FGGY: variants seen among roughly 807,000 people sequenced by gnomAD.
FGGY encodes the protein FGGY carbohydrate kinase domain-containing protein.
In FGGY, 72 loss-of-function variants were observed where a neutral mutation model predicts 71.3. That is an observed-to-expected ratio of 1.01 (90% CI 0.84 to 1.23). The LOEUF is 1.23. Among genes scored for constraint, FGGY ranks in the 50% most tolerant of loss-of-function variants. The pLI, the probability that FGGY is intolerant of heterozygous loss-of-function variation, is 0.00. For synonymous variants in FGGY, 251 were observed against 250.3 expected (o/e 1.00, Z -0.02); for missense variants, 668 against 682.3 (o/e 0.98, Z 0.23).
chr1:59,382,724 A>G (rs533932908), intron 5 of FGGY, among the ~76,000 whole-genome samples: 15 of 152,316 alleles, frequency 9.8e-5, no homozygotes, highest in Admixed American at 9.8e-4. Context: ...AAGCAGTGCT[A>G]GTTGTCATGT....
At chr1:59,383,126 C>G (rs1440117629) in intron 5 of FGGY, among the ~76,000 whole-genome samples, 1 of 152,032 alleles carries the variant, frequency 6.6e-6, no homozygotes, top group Non-Finnish European at 1.5e-5. Context: ...TTGCAAAGTT[C>G]TTGTGAGAAT....
intron 15 of FGGY, among the ~76,000 whole-genome samples, chr1:59,761,991 C>G (rs1226276711): frequency 6.6e-6 from 1 of 152,050 alleles, no homozygotes; most frequent in Non-Finnish European, 1.5e-5. Context: ...GCTTTGAAGT[C>G]AGACAGACAT....
At chr1:59,690,661 A>G (rs979551933) in intron 14 of FGGY, among the ~76,000 whole-genome samples, 1 of 152,210 alleles carries the variant, frequency 6.6e-6, no homozygotes, top group African/African-American at 2.4e-5. Context: ...AGTGCTGGAT[A>G]CATGTATGCT....
chr1:59,438,854 TCC>T (rs1404821763), intron 5 of FGGY, among the ~76,000 whole-genome samples: 2 of 152,178 alleles, frequency 1.3e-5, no homozygotes, highest in African/African-American at 4.8e-5. Context: ...TAAAACAACT[TCC>T]AAGTTTTCTT....
intron 10 of FGGY, among the ~76,000 whole-genome samples, chr1:59,628,436 C>A (rs1315140670): frequency 1.3e-5 from 2 of 152,044 alleles, no homozygotes; most frequent in African/African-American, 2.4e-5. Context: ...TTGGAGGAGA[C>A]TTAAGGAGGT....
At chr1:59,693,565 G>A (rs568086826) in intron 14 of FGGY, among the ~76,000 whole-genome samples, 2 of 152,146 alleles carry the variant, frequency 1.3e-5, no homozygotes, top group Admixed American at 6.5e-5. Flanking sequence ...GAGAAGAGGA[G>A]GAAGAAAGAG....
chr1:59,360,257 G>A (rs958791630), intron 4 of FGGY, among the ~76,000 whole-genome samples: 17 of 151,888 alleles, frequency 1.1e-4, no homozygotes, highest in African/African-American at 3.4e-4. Flanking sequence ...ACTCTCCTTC[G>A]TGCTGGCATT....
At chr1:59,400,156 C>T (rs1241520801) in intron 5 of FGGY, among the ~76,000 whole-genome samples, 1 of 152,182 alleles carries the variant, frequency 6.6e-6, no homozygotes, top group Non-Finnish European at 1.5e-5. Flanking sequence ...CATGATATTT[C>T]AGCCTGTATT....
chr1:59,393,935 C>T (rs1205801489), intron 5 of FGGY, among the ~76,000 whole-genome samples: 1 of 152,184 alleles, frequency 6.6e-6, no homozygotes, highest in Non-Finnish European at 1.5e-5. Flanking sequence ...ATTACAATCA[C>T]TTCTTTGCTG....
At chr1:59,599,996 T>C (rs1488362805) in intron 8 of FGGY, among the ~76,000 whole-genome samples, 2 of 152,124 alleles carry the variant, frequency 1.3e-5, no homozygotes, top group African/African-American at 4.8e-5. Flanking sequence ...AGGAGAATGA[T>C]AGAATTAAAT....
At chr1:59,687,202 G>A (rs149089837) in intron 14 of FGGY, among the ~76,000 whole-genome samples, 45 of 152,276 alleles carry the variant, frequency 3.0e-4, no homozygotes, top group Non-Finnish European at 3.8e-4. Flanking sequence ...CAGAAGTCAG[G>A]TCATTTCTCC....
At chr1:59,456,446 CTTTTT>C (rs554474364) in intron 5 of FGGY, among the ~76,000 whole-genome samples, 1 of 133,084 alleles carries the variant, frequency 7.5e-6, no homozygotes, top group Non-Finnish European at 1.6e-5. Flanking sequence ...AGGACTGAAA[CTTTTT>C]TTTTTTTTTT....
At chr1:59,576,413 A>AG (rs920499956) in intron 8 of FGGY, among the ~76,000 whole-genome samples, 3 of 152,036 alleles carry the variant, frequency 2.0e-5, no homozygotes, top group African/African-American at 4.8e-5. Context: ...GTAGGGGGAA[A>AG]GGGGAAGGGA....
intron 6 of FGGY, among the ~76,000 whole-genome samples, chr1:59,462,458 G>A (rs2092311838): frequency 6.6e-6 from 1 of 152,086 alleles, no homozygotes; most frequent in Admixed American, 6.5e-5. Context: ...ATTGACAAAT[G>A]GGATCTCATT....
At chr1:59,408,988 T>A (rs1442771134) in intron 5 of FGGY, among the ~76,000 whole-genome samples, 1 of 152,186 alleles carries the variant, frequency 6.6e-6, no homozygotes, top group Admixed American at 6.5e-5. Context: ...TTTGTTTTCT[T>A]ATTTAACTTT....
At chr1:59,341,998 A>G (rs2050799732) in intron 3 of FGGY, among the ~76,000 whole-genome samples, 1 of 152,090 alleles carries the variant, frequency 6.6e-6, no homozygotes, top group Non-Finnish European at 1.5e-5. Flanking sequence ...GTTAGAGGGA[A>G]CTTGGTTCCA....
At chr1:59,308,532 G>T (rs2043780372) in intron 1 of FGGY, among the ~76,000 whole-genome samples, 1 of 152,168 alleles carries the variant, frequency 6.6e-6, no homozygotes. Flanking sequence ...AATCTTTTAT[G>T]ATAGGTCTTT....
chr1:59,560,969 G>A (rs150714452), intron 8 of FGGY, among the ~76,000 whole-genome samples: 2 of 152,242 alleles, frequency 1.3e-5, no homozygotes, highest in Non-Finnish European at 1.5e-5. Flanking sequence ...TTTCTTTGCT[G>A]TGTCCACAAA....
intron 2 of FGGY, among the ~76,000 whole-genome samples, chr1:59,328,761 G>C (rs2047893762): frequency 4.6e-5 from 7 of 151,688 alleles, no homozygotes. Flanking sequence ...GACCATTGTA[G>C]GGTTATTAAT....
Sources: allele counts gnomAD v4.1 joint callset (sites outside exome capture counted in the v4.1 genomes callset), GRCh38; gene constraint gnomAD v4.1.1; transcripts MANE v1.5; gene names NCBI Gene and HGNC (gene_info 2026-07-23, HGNC 2026-07-21).